The following DGLUCY variants were observed in gnomAD, a reference collection of about 807,000 sequenced individuals.
DGLUCY encodes D-glutamate cyclase, mitochondrial.
In DGLUCY, 58 loss-of-function variants were observed where a neutral mutation model predicts 58.5. That is an observed-to-expected ratio of 0.99 (90% CI 0.80 to 1.23). The LOEUF (loss-of-function observed/expected upper bound fraction) is 1.23, where lower values mean the gene tolerates loss of function less well. DGLUCY is among the 50% of genes most tolerant of loss of function. The pLI is 0.00. For missense variants in DGLUCY, 779 were observed against 784.7 expected (o/e 0.99, Z 0.09); for synonymous variants, 325 against 314.1 (o/e 1.03, Z -0.37).
chr14:91,125,856 G>A (rs915830100), intron 1 of DGLUCY, among the ~76,000 whole-genome samples: 1 of 152,130 alleles, frequency 6.6e-6, no homozygotes, highest in South Asian at 2.1e-4. Flanking sequence ...TGCTTGAACC[G>A]AGGAGATAGA....
chr14:91,200,104 A>G lies in DGLUCY; in HGVS notation c.1444+199A>G, dbSNP rs575508867. Among the ~76,000 whole-genome samples the G allele has an allele frequency of 1.1e-4, 17 of 152,086 alleles. No homozygotes were observed. In the South Asian group the frequency reaches 3.5e-3, roughly 32 times the overall value. ...CAAGTAGCTGGAATTACAGGCATGC[A>G]CCACCACGCCTGGCTAATTTTTGTA... On this transcript the variant is annotated intron_variant, in intron 11 of 13. Transcript: ENST00000256324.
At chr14:91,144,299 C>T (rs1022955441) in intron 1 of DGLUCY, among the ~76,000 whole-genome samples, 1 of 152,292 alleles carries the variant, frequency 6.6e-6, no homozygotes, top group Admixed American at 6.5e-5. Context: ...GGGCTGGGCA[C>T]AGTGGCTCCC....
At chr14:91,152,214 A>AC (rs1035440822) in intron 1 of DGLUCY, among the ~76,000 whole-genome samples, 9 of 151,916 alleles carry the variant, frequency 5.9e-5, no homozygotes, top group African/African-American at 2.2e-4. Flanking sequence ...GCATAGTGAG[A>AC]CCCCCATCTT....
intron 1 of DGLUCY, among the ~76,000 whole-genome samples, chr14:91,143,160 A>G (rs2046820221): frequency 6.6e-6 from 1 of 151,424 alleles, no homozygotes; most frequent in Admixed American, 6.6e-5. Flanking sequence ...CAGTGGCGCA[A>G]TCTCGGCTCA....
At chr14:91,172,813 A>G (rs1011665123) in intron 5 of DGLUCY, among the ~76,000 whole-genome samples, 2 of 151,968 alleles carry the variant, frequency 1.3e-5, no homozygotes, top group Non-Finnish European at 2.9e-5. Flanking sequence ...TGCCCGGCGA[A>G]CTTTTGTATT....
rs150366036 is a variant in DGLUCY, at chr14:91,205,638, T to C, written c.1564+813T>C. Reference sequence around the variant, plus strand: ...TGGTCTGGGGGCCCTCGTGCTCTTGTGAGTTTTGCCTCTGGGCGTTCAACC... The same window carrying C: ...TGGTCTGGGGGCCCTCGTGCTCTTGCGAGTTTTGCCTCTGGGCGTTCAACC... On this transcript the variant is annotated intron_variant, in intron 12 of 13. Transcript: ENST00000256324. 6.4e-4 allele frequency among the ~76,000 whole-genome samples: 98 copies of C among 152,274 alleles called. 1 individual carries two copies. Among genetic ancestry groups the C allele is most frequent in the African/African-American group, 2.1e-3 (89 of 41,550 alleles).
upstream of DGLUCY, among the ~76,000 whole-genome samples, chr14:91,110,757 AG>A (rs2044679880): frequency 6.6e-6 from 1 of 151,804 alleles, no homozygotes. Context: ...TTTCTAATCA[AG>A]TTTTTTCATT....
intron 1 of DGLUCY, among the ~76,000 whole-genome samples, chr14:91,123,335 C>T (rs2045493731): frequency 6.6e-6 from 1 of 152,200 alleles, no homozygotes; most frequent in South Asian, 2.1e-4. Flanking sequence ...TGCAAAGCCA[C>T]TTGATATTAG....
intron 11 of DGLUCY, among the ~76,000 whole-genome samples, chr14:91,203,355 A>G (rs1379472729): frequency 1.3e-5 from 2 of 152,226 alleles, no homozygotes; most frequent in Non-Finnish European, 2.9e-5. Context: ...GAGATGGATC[A>G]GCTCTAGATC....
exon 1 of DGLUCY, chr14:91,060,587 GC>G: frequency 9.5e-7 from 1 of 1,051,904 alleles, no homozygotes; most frequent in Non-Finnish European, 1.2e-6. Context: ...TCCCGCTCTG[GC>G]CGCACGGCTC....
intron 9 of DGLUCY, among the ~76,000 whole-genome samples, chr14:91,196,040 G>T (rs1186519883): frequency 2.6e-5 from 4 of 152,084 alleles, no homozygotes; most frequent in African/African-American, 9.7e-5. Context: ...TGTCACCGAG[G>T]GCACATAAAT....
intron 13 of DGLUCY, chr14:91,223,702 G>T (rs1409497678): frequency 7.8e-7 from 1 of 1,288,454 alleles, no homozygotes; most frequent in East Asian, 5.6e-5. Context: ...GAAAGCTCTA[G>T]GCTAAAGGCC....
chr14:91,162,900 G>GAAAA (rs77019681), intron 3 of DGLUCY, among the ~76,000 whole-genome samples: 3 of 83,852 alleles, frequency 3.6e-5, no homozygotes, highest in Non-Finnish European at 7.7e-5. Flanking sequence ...TCTGTCTCAA[G>GAAAA]AAAAAAAAAA....
At chr14:91,184,582 G>T (rs969953996) in intron 8 of DGLUCY, among the ~76,000 whole-genome samples, 10 of 116,732 alleles carry the variant, frequency 8.6e-5, no homozygotes, top group Non-Finnish European at 1.6e-4. Context: ...AAAGTTGGGG[G>T]GGGGGAGGGA....
At chr14:91,112,931 G>C (rs936300453), upstream of DGLUCY, among the ~76,000 whole-genome samples, 1 of 149,148 alleles carries the variant, frequency 6.7e-6, no homozygotes, top group Non-Finnish European at 1.5e-5. Context: ...CCCAGGAGGC[G>C]GAGATTGCAG....
At chr14:91,209,498 A>T (rs1461571049) in intron 12 of DGLUCY, among the ~76,000 whole-genome samples, 1 of 152,074 alleles carries the variant, frequency 6.6e-6, no homozygotes, top group African/African-American at 2.4e-5. Flanking sequence ...TCACGAGGTC[A>T]GGAGATCGAG....
chr14:91,183,643 C>T (rs752953368), intron 8 of DGLUCY, among the ~76,000 whole-genome samples: 2 of 152,190 alleles, frequency 1.3e-5, no homozygotes, highest in African/African-American at 2.4e-5. Flanking sequence ...TAAATTCTCC[C>T]AGTGACTCTA....
chr14:91,074,310 AAAAT>A (rs1353854649), intron 1 of DGLUCY, among the ~76,000 whole-genome samples: 3,955 of 137,774 alleles, frequency 0.029, 142 homozygotes, highest in African/African-American at 0.1. Context: ...AAAAAAAAAA[AAAAT>A]ATATATATAT....
chr14:91,121,755 A>G (rs1273160356), intron 1 of DGLUCY, among the ~76,000 whole-genome samples: 11 of 152,164 alleles, frequency 7.2e-5, no homozygotes, highest in African/African-American at 1.4e-4. Context: ...TAAAATGCCT[A>G]TAGTGTGCCA....
Sources: allele counts gnomAD v4.1 joint callset (sites outside exome capture counted in the v4.1 genomes callset), GRCh38; gene constraint gnomAD v4.1.1; transcripts MANE v1.5; gene names NCBI Gene and HGNC (gene_info 2026-07-23, HGNC 2026-07-21).